Variants in ATP2B1 observed in about 807,000 individuals in gnomAD.
The protein encoded by ATP2B1 is plasma membrane calcium-transporting ATPase 1.
ATP2B1 carries 14 observed loss-of-function variants against 124.2 expected under a neutral mutation model. The observed-to-expected ratio is 0.11, with a 90% CI of 0.07 to 0.18. The LOEUF is 0.18. ATP2B1 is among the 10% of genes least tolerant of loss of function. The pLI, the probability that ATP2B1 is intolerant of heterozygous loss-of-function variation, is 1.00. For missense variants in ATP2B1, 763 were observed against 1,466.1 expected, an observed-to-expected ratio of 0.52 and a Z score of 7.83; for synonymous variants, 449 against 492.4, an observed-to-expected ratio of 0.91 and a Z score of 1.17.
chr12:89,660,529 C>G (rs1886579516), intron 1 of ATP2B1, among the ~76,000 whole-genome samples: 1 of 152,196 alleles, frequency 6.6e-6, no homozygotes, highest in Non-Finnish European at 1.5e-5. Context: ...ACTCCCAAAG[C>G]ATGTGTGTTC....
At position 89,589,728 on chromosome 12, in the gene ATP2B1, A is replaced by G. The variant is rs897291669; in HGVS notation, c.*1256T>C. 1.1e-4 allele frequency: 16 copies of G among 152,162 alleles called. No individual in the cohort carries two copies. Among genetic ancestry groups the G allele is most frequent in the Admixed American group, 1.0e-3 (16 of 15,260 alleles). The allele number at this position is 152,162 out of a possible 1,614,324, so 9.4% of individuals were successfully genotyped here. On this transcript the variant is annotated 3_prime_UTR_variant, in exon 21 of 21. Coordinates refer to ENST00000428670, the MANE Select transcript of ATP2B1 (RefSeq NM_001366521.1). ...AAATGTATTCCAATTGTGGTCAAAGAGAACAGACTGATGCACTGTATATGC... is the reference window on the plus strand; with the variant it reads ...AAATGTATTCCAATTGTGGTCAAAGGGAACAGACTGATGCACTGTATATGC...
chr12:89,660,068 A>G (rs1025199785), intron 1 of ATP2B1, among the ~76,000 whole-genome samples: 1 of 152,208 alleles, frequency 6.6e-6, no homozygotes, highest in African/African-American at 2.4e-5. Flanking sequence ...ATGATTATTA[A>G]TATTGTACAT....
At chr12:89,595,908 C>T (rs1215414420) in intron 20 of ATP2B1, among the ~76,000 whole-genome samples, 3 of 152,218 alleles carry the variant, frequency 2.0e-5, no homozygotes, top group Admixed American at 6.6e-5. Flanking sequence ...TCCTTTGCCA[C>T]TCTCTTAAGT....
chr12:89,673,184 G>A (rs1046266746), intron 1 of ATP2B1, among the ~76,000 whole-genome samples: 4 of 152,150 alleles, frequency 2.6e-5, no homozygotes, highest in African/African-American at 7.2e-5. Context: ...TTTGTGTTCA[G>A]TACAGTTAAA....
chr12:89,619,882 C>G (rs1879684196), intron 11 of ATP2B1, 117 bp downstream of exon 11: 3 of 1,338,482 alleles, frequency 2.2e-6, no homozygotes, highest in Non-Finnish European at 3.0e-6. Context: ...CTAAAAAACT[C>G]TGAGGTCCTA....
At chr12:89,646,433 C>A (rs1043797196) in intron 2 of ATP2B1, among the ~76,000 whole-genome samples, 1 of 152,060 alleles carries the variant, frequency 6.6e-6, no homozygotes, top group Non-Finnish European at 1.5e-5. Flanking sequence ...TCAAATAGGG[C>A]AAGAGGAGCC....
At chr12:89,600,647 TA>T (rs1309806679) in intron 19 of ATP2B1, among the ~76,000 whole-genome samples, 1 of 148,434 alleles carries the variant, frequency 6.7e-6, no homozygotes, top group Non-Finnish European at 1.5e-5. Flanking sequence ...AATGACAATG[TA>T]TTTTTTTTTT....
At position 89,590,861 on chromosome 12, in the gene ATP2B1, A is replaced by G; in HGVS notation, c.*123T>C. ...TAAAAAAATAAATCTACATTCGTAC[A>G]AGTGTGTCTTCTGTTGAAGTCCAAA... On this transcript the variant is annotated 3_prime_UTR_variant, in exon 21 of 21. Transcript: ENST00000428670. 1 of 979,958 alleles carries G rather than the reference A, an allele frequency of 1.0e-6. No homozygotes were observed. Among genetic ancestry groups the G allele is most frequent in the Admixed American group, 2.4e-5 (1 of 41,748 alleles). 60.7% of individuals were successfully genotyped at this position (979,958 alleles called of 1,614,324 possible). A position where few individuals can be genotyped will look rare whatever the true frequency, so the allele number is the denominator to read the frequency against.
rs943409225 is a variant in ATP2B1, at chr12:89,708,155, G to C, written c.-222+441C>G. On this transcript the variant is annotated intron_variant, in intron 1 of 20. Transcript: ENST00000428670. ...GGGGGGCCGAGGCCAAGGATTAGAG[G>C]GGTGACCCTCCCGGGGCGCGGGGAG... Among the ~76,000 whole-genome samples the C allele has an allele frequency of 2.6e-5, 4 of 152,262 alleles. No homozygotes were observed. In the South Asian group the frequency reaches 8.3e-4, roughly 32 times the overall value.
Position 89,611,240 on chromosome 12 carries a change from G to A in ATP2B1, c.2200C>T (p.Leu734=), listed in dbSNP as rs962328427. Residue 734 remains leucine, a synonymous_variant, in exon 13 of 21, where the codon CTA becomes TTA. Transcript: ENST00000428670. ...ILHPGEDFLC[L]EGKDFNRRIR... The stretch of plus-strand genomic sequence containing the variant: ...CTTCTGTTAAAATCTTTACCTTCTA[G>A]GCACAGAAAATCTTCCCCAGGATGT... 13 of 1,609,116 alleles carry A rather than the reference G, an allele frequency of 8.1e-6. No homozygotes were observed. The highest frequency in any genetic ancestry group is 1.3e-5 in the African/African-American group (1 of 74,368).
chr12:89,612,265 T>C (rs575773009), intron 12 of ATP2B1: 30 of 152,186 alleles, frequency 2.0e-4, no homozygotes, highest in South Asian at 6.2e-4. Context: ...GTTCTCAGTA[T>C]AACACAATCA....
chr12:89,600,502 A>G (rs1326453939), intron 19 of ATP2B1, among the ~76,000 whole-genome samples: 1 of 152,178 alleles, frequency 6.6e-6, no homozygotes, highest in Admixed American at 6.6e-5. Context: ...TTTCATATAT[A>G]CACTGTTAAA....
At chr12:89,627,144 A>T (rs1881013901) in intron 7 of ATP2B1, among the ~76,000 whole-genome samples, 1 of 152,144 alleles carries the variant, frequency 6.6e-6, no homozygotes, top group Admixed American at 6.5e-5. Context: ...CTAATCCGAA[A>T]ATCTAAAATA....
chr12:89,654,818 T>C (rs771262861), intron 2 of ATP2B1, among the ~76,000 whole-genome samples: 2 of 152,182 alleles, frequency 1.3e-5, no homozygotes, highest in Non-Finnish European at 2.9e-5. Flanking sequence ...TATATACTAA[T>C]ATACTTTAAA....
chr12:89,627,095 T>C (rs1328898655), intron 7 of ATP2B1, among the ~76,000 whole-genome samples: 1 of 152,170 alleles, frequency 6.6e-6, no homozygotes, highest in African/African-American at 2.4e-5. Flanking sequence ...GTTCAAATAC[T>C]TGAAATACTT....
chr12:89,652,518 C>T (rs1257551284), intron 2 of ATP2B1, among the ~76,000 whole-genome samples: 2 of 152,216 alleles, frequency 1.3e-5, no homozygotes, highest in African/African-American at 2.4e-5. Flanking sequence ...TTCTCACTTT[C>T]CCTGACTATA....
chr12:89,652,464 G>A (rs1885382108), intron 2 of ATP2B1, among the ~76,000 whole-genome samples: 1 of 152,150 alleles, frequency 6.6e-6, no homozygotes, highest in Non-Finnish European at 1.5e-5. Flanking sequence ...GACAACTTCA[G>A]TTTTACCTAA....
At chr12:89,696,827 G>A (rs919986679) in intron 1 of ATP2B1, among the ~76,000 whole-genome samples, 17 of 151,930 alleles carry the variant, frequency 1.1e-4, no homozygotes, top group Admixed American at 3.9e-4. Context: ...CATTTAAATG[G>A]GTTAATATGT....
chr12:89,609,818 C>T (rs936076487), intron 15 of ATP2B1, 119 bp downstream of exon 15: 9 of 842,374 alleles, frequency 1.1e-5, no homozygotes, highest in South Asian at 7.3e-5. Context: ...AATTATCCCT[C>T]GAACTAATCT....
Sources: allele counts gnomAD v4.1 joint callset (sites outside exome capture counted in the v4.1 genomes callset), GRCh38; gene constraint gnomAD v4.1.1; transcripts MANE v1.5; gene names NCBI Gene and HGNC (gene_info 2026-07-23, HGNC 2026-07-21).